Variants in DMD observed in about 807,000 individuals in gnomAD.
The protein encoded by DMD is dystrophin.
In DMD, 63 loss-of-function variants were observed where a neutral mutation model predicts 330.1. That is an observed-to-expected ratio of 0.19 (90% CI 0.16 to 0.24). The LOEUF is 0.24. Ranked by LOEUF, DMD falls within the 10% of genes least tolerant of loss-of-function variation. The pLI, the probability that DMD is intolerant of heterozygous loss-of-function variation, is 1.00. For synonymous variants in DMD, 1,223 were observed against 959.8 expected (o/e 1.27, Z -5.07); for missense variants, 3,344 against 2,684.1 (o/e 1.25, Z -5.43).
At chrX:33,330,741 T>C (rs2054160664) in intron 1 of DMD, among the ~76,000 whole-genome samples, 1 of 112,065 alleles carries the variant, frequency 8.9e-6, no homozygotes, top group East Asian at 2.8e-4. Context: ...GAAGGCATGC[T>C]CCTTTTTATT....
At chrX:32,987,347 C>A (rs2092871312) in intron 2 of DMD, among the ~76,000 whole-genome samples, 1 of 111,114 alleles carries the variant, frequency 9.0e-6, no homozygotes, top group Non-Finnish European at 1.9e-5. Context: ...GGCATGTCAC[C>A]TAACTGGCTG....
chrX:32,889,895 G>T, intron 2 of DMD, among the ~76,000 whole-genome samples: 1 of 111,278 alleles, frequency 9.0e-6, no homozygotes, highest in South Asian at 3.8e-4. Context: ...GTGACAATCA[G>T]GTCCCCTCCA....
At chrX:31,905,161 G>C (rs1369084169) in intron 47 of DMD, among the ~76,000 whole-genome samples, 1 of 111,819 alleles carries the variant, frequency 8.9e-6, no homozygotes, top group Non-Finnish European at 1.9e-5. Context: ...CAAATTTTAA[G>C]TAGAACAGTG....
At chrX:31,343,582 A>AGT (rs56312485) in intron 61 of DMD, among the ~76,000 whole-genome samples, 20,007 of 87,224 alleles carry the variant, frequency 0.23, 2,209 homozygotes, top group East Asian at 0.38. Context: ...TCCAAAGGGG[A>AGT]GTGTGTGTGT....
rs988185124 is a variant in DMD, at chrX:32,390,117, C to T, written c.4298G>A (p.Gly1433Glu). The T allele has an allele frequency of 8.3e-6, 10 of 1,208,907 alleles. No homozygotes were observed. The highest frequency in any genetic ancestry group is 1.1e-5 in the Non-Finnish European group (10 of 894,337). ...CAGGACTCTTTGGGCAGCCTCCTTC[C>T]CCTGATTATGTTTCTTCATTTCTTC... ...SLEEMKKHNQGKEAAQRVLSQ... is the reference protein window; with the variant it reads ...SLEEMKKHNQEKEAAQRVLSQ... Residue 1433 changes from glycine (G) to glutamate (E), a missense_variant, in exon 31 of 79, where the codon GGG becomes GAG. Coordinates refer to ENST00000357033, the MANE Select transcript of DMD (RefSeq NM_004006.3).
intron 7 of DMD, among the ~76,000 whole-genome samples, chrX:32,714,787 A>T (rs979295870): frequency 8.9e-6 from 1 of 112,186 alleles, no homozygotes; most frequent in African/African-American, 3.2e-5. Context: ...TTCTAAGAAA[A>T]CTACATAGAT....
At chrX:32,299,454 G>A (rs2097512305) in intron 42 of DMD, among the ~76,000 whole-genome samples, 1 of 71,170 alleles carries the variant, frequency 1.4e-5, no homozygotes, top group Admixed American at 1.4e-4. Flanking sequence ...GATAATCAAA[G>A]TGAATAACAA....
At chrX:32,538,138 G>A (rs1287168882) in intron 17 of DMD, among the ~76,000 whole-genome samples, 4 of 112,067 alleles carry the variant, frequency 3.6e-5, no homozygotes, top group East Asian at 2.8e-4. Context: ...CCCTTAACCT[G>A]CCCAGGAATA....
At chrX:32,602,339 G>C (rs1055221422) in intron 12 of DMD, among the ~76,000 whole-genome samples, 1 of 111,298 alleles carries the variant, frequency 9.0e-6, no homozygotes, top group Non-Finnish European at 1.9e-5. Flanking sequence ...TCTGCATATA[G>C]TTACAGAATT....
intron 62 of DMD, among the ~76,000 whole-genome samples, chrX:31,322,421 T>A (rs1156786223): frequency 8.9e-6 from 1 of 111,844 alleles, no homozygotes; most frequent in Non-Finnish European, 1.9e-5. Flanking sequence ...ATAACAATAA[T>A]AAAATTAAAT....
chrX:32,675,817 T>A (rs372194563), intron 9 of DMD, among the ~76,000 whole-genome samples: 1 of 112,032 alleles, frequency 8.9e-6, no homozygotes, highest in East Asian at 2.8e-4. Flanking sequence ...GTTATAAACA[T>A]TGAATTAATG....
chrX:32,699,552 T>A (rs2063927266), intron 7 of DMD, among the ~76,000 whole-genome samples: 1 of 111,769 alleles, frequency 8.9e-6, no homozygotes, highest in African/African-American at 3.2e-5. Context: ...TACTTTTTCC[T>A]AAGTCAAATT....
At chrX:31,807,824 T>A (rs1781961015) in intron 50 of DMD, among the ~76,000 whole-genome samples, 1 of 111,916 alleles carries the variant, frequency 8.9e-6, no homozygotes, top group Non-Finnish European at 1.9e-5. Context: ...ATTCATAGAC[T>A]GCATGACCAA....
intron 59 of DMD, among the ~76,000 whole-genome samples, chrX:31,452,641 C>T (rs1313434231): frequency 1.8e-5 from 2 of 111,933 alleles, no homozygotes; most frequent in Non-Finnish European, 3.8e-5. Context: ...GAATATATAC[C>T]CAAACATAAA....
chrX:31,736,621 G>C (rs187676135), intron 51 of DMD, among the ~76,000 whole-genome samples: 108 of 111,783 alleles, frequency 9.7e-4, no homozygotes, highest in African/African-American at 3.4e-3. Flanking sequence ...AGTACACATA[G>C]ACAAATAAAA....
At chrX:31,227,104 T>C (rs1445015979) in intron 63 of DMD, among the ~76,000 whole-genome samples, 1 of 111,462 alleles carries the variant, frequency 9.0e-6, no homozygotes, top group Non-Finnish European at 1.9e-5. Flanking sequence ...CCTATCATCT[T>C]TCTTCTTTCA....
At chrX:33,005,618 A>T (rs1340606034) in intron 2 of DMD, among the ~76,000 whole-genome samples, 1 of 82,163 alleles carries the variant, frequency 1.2e-5, no homozygotes, top group Admixed American at 1.3e-4. Flanking sequence ...GGTCATGACA[A>T]TATAAAAAAA....
intron 60 of DMD, among the ~76,000 whole-genome samples, chrX:31,389,429 C>G (rs1363596126): frequency 8.9e-6 from 1 of 112,006 alleles, no homozygotes; most frequent in Non-Finnish European, 1.9e-5. Context: ...GCTTTATGCT[C>G]TTTTACAATA....
chrX:31,774,426 C>A (rs772856848), intron 50 of DMD, among the ~76,000 whole-genome samples: 1 of 111,396 alleles, frequency 9.0e-6, no homozygotes, highest in South Asian at 3.7e-4. Context: ...ATACATTTAA[C>A]AATTTTTTAA....
Sources: gnomAD v4.1 joint callset for allele counts (sites outside exome capture counted in the v4.1 genomes callset) on GRCh38, gnomAD v4.1.1 for gene constraint, MANE v1.5 for transcripts, NCBI Gene and HGNC (gene_info 2026-07-23, HGNC 2026-07-21) for gene names.